AGBL5: variants seen among roughly 807,000 people sequenced by gnomAD.
AGBL5 encodes the protein cytosolic carboxypeptidase-like protein 5.
A neutral mutation model predicts 88.0 loss-of-function variants in AGBL5; 51 were observed. The ratio of observed to expected loss-of-function variants is 0.58; its 90% CI spans 0.46 to 0.73. The LOEUF is 0.73. Ranked by LOEUF, AGBL5 falls within the 30% of genes least tolerant of loss-of-function variation. AGBL5 has a pLI of 0.00. For synonymous variants in AGBL5, 446 were observed against 438.8 expected (o/e 1.02, Z -0.21); for missense variants, 1,031 against 1,162.2 (o/e 0.89, Z 1.64).
intron 11 of AGBL5, among the ~76,000 whole-genome samples, chr2:27,060,156 G>A (rs1236193905): frequency 1.3e-5 from 2 of 152,148 alleles, no homozygotes; most frequent in Admixed American, 6.5e-5. Flanking sequence ...CTCAAAAAAA[G>A]AAAAGAAAGT....
intron 11 of AGBL5, among the ~76,000 whole-genome samples, chr2:27,061,420 A>G (rs1054748080): frequency 6.6e-6 from 1 of 152,156 alleles, no homozygotes; most frequent in African/African-American, 2.4e-5. Context: ...TACTTTTAGT[A>G]GAGACGGGGT....
chr2:27,065,191 G>C (rs567293329), intron 11 of AGBL5, among the ~76,000 whole-genome samples: 1 of 152,168 alleles, frequency 6.6e-6, no homozygotes, highest in Admixed American at 6.5e-5. Context: ...TGGCATGCTG[G>C]CACCTCTGGT....
rs1668422682 is a variant in AGBL5 at position 27,056,149 on chromosome 2, T to C, written c.1365+11T>C. ...GATGAGAGCACCCAGGTGGGAATCC[T>C]AAGAATGTCATGTGAGTGTGAGAAG... On this transcript the variant is annotated intron_variant, in intron 7 of 14. Coordinates refer to ENST00000360131, the MANE Select transcript of AGBL5 (RefSeq NM_021831.6). The C allele has an allele frequency of 6.2e-7, 1 of 1,604,776 alleles. No individual in the cohort carries two copies. Among genetic ancestry groups the C allele is most frequent in the African/African-American group, 1.3e-5 (1 of 74,802 alleles).
At chr2:27,050,763 G>C (rs1014373954), upstream of AGBL5, among the ~76,000 whole-genome samples, 1 of 152,032 alleles carries the variant, frequency 6.6e-6, no homozygotes, top group Non-Finnish European at 1.5e-5. Flanking sequence ...GCTATCAGCA[G>C]CATCTTATCG....
intron 9 of AGBL5, among the ~76,000 whole-genome samples, 162 bp from the exon 10 acceptor site, chr2:27,058,238 A>G (rs1376612803): frequency 2.0e-5 from 3 of 152,202 alleles, no homozygotes; most frequent in Admixed American, 6.5e-5. Flanking sequence ...AACAGCTCCA[A>G]ATCCGTTTGC....
chr2:27,055,648 T>C (rs770304728), intron 6 of AGBL5, 34 bp from the exon 7 acceptor site: 18 of 1,592,334 alleles, frequency 1.1e-5, no homozygotes, highest in Admixed American at 3.4e-5. Flanking sequence ...GGCCCAGTCC[T>C]CTAGAACCTG....
At chr2:27,055,528 A>T in intron 6 of AGBL5, 154 bp from the exon 7 acceptor site, 1 of 847,014 alleles carries the variant, frequency 1.2e-6, no homozygotes, top group Non-Finnish European at 1.8e-6. Context: ...CAGCAGATCA[A>T]AGAGAGGCCC....
chr2:27,063,152 C>G (rs1200396136), intron 11 of AGBL5, among the ~76,000 whole-genome samples: 1 of 152,222 alleles, frequency 6.6e-6, no homozygotes, highest in Non-Finnish European at 1.5e-5. Flanking sequence ...TTTAAGGCTA[C>G]TTTTTCCACT....
upstream of AGBL5, among the ~76,000 whole-genome samples, chr2:27,051,255 A>G (rs1668115194): frequency 6.6e-6 from 1 of 152,220 alleles, no homozygotes; most frequent in Non-Finnish European, 1.5e-5. Flanking sequence ...TTAGCATGCG[A>G]GAGGTAGCGG....
chr2:27,059,289 T>A lies in AGBL5; in HGVS notation c.1974T>A (p.Ser658=). The change falls in exon 11 of 15, where the codon TCT becomes TCA. Residue 658 remains serine (S), a synonymous_variant. Transcript: ENST00000360131. ...GTAGCAGCAGCAGCCAACAAAATTC[T>A]CCACAGATGAAGAATTCCCCCAGCT... ...AGGSSSSQQN[S]PQMKNSPSFP... 1 of 1,614,210 alleles carries A rather than the reference T, an allele frequency of 6.2e-7. No individual in the cohort carries two copies. The highest frequency in any genetic ancestry group is 8.5e-7 in the Non-Finnish European group (1 of 1,180,034).
rs965756853 is a variant in AGBL5 at position 27,051,766 on chromosome 2, G to A, written c.-74G>A. ...AAGGTGCGGCCTCGCTAGCGGGAGA[G>A]GGAGCGGGATCACCGGCCCGGAGAG... On this transcript the variant is annotated 5_prime_UTR_variant, in exon 1 of 15. Transcript: ENST00000360131. 8 of 152,304 alleles carry A rather than the reference G, an allele frequency of 5.3e-5. No homozygotes were observed. The highest frequency in any genetic ancestry group is 1.0e-4 in the Non-Finnish European group (7 of 68,046). The allele number at this position is 152,304 out of a possible 1,614,324, so 9.4% of individuals were successfully genotyped here. A position where few individuals can be genotyped will look rare whatever the true frequency, so the allele number is the denominator to read the frequency against.
chr2:27,068,771 C>T, intron 13 of AGBL5, 27 bp downstream of exon 13: 2 of 1,612,430 alleles, frequency 1.2e-6, no homozygotes, highest in Non-Finnish European at 1.7e-6. Flanking sequence ...TCCAGCATAG[C>T]TACTCTGGCA....
intron 11 of AGBL5, among the ~76,000 whole-genome samples, chr2:27,065,968 T>C (rs147646373): frequency 9.2e-5 from 14 of 152,270 alleles, no homozygotes; most frequent in Non-Finnish European, 2.9e-5. Flanking sequence ...CTTCATCCTT[T>C]AGATCTTCAA....
intron 14 of AGBL5, 99 bp from the exon 15 acceptor site, chr2:27,069,993 C>T: frequency 6.5e-7 from 1 of 1,531,768 alleles, no homozygotes; most frequent in Non-Finnish European, 8.8e-7. Flanking sequence ...TACCCATCTT[C>T]ATCTCGCTCC....
At chr2:27,068,973 A>T in intron 13 of AGBL5, 1 of 1,482,156 alleles carries the variant, frequency 6.7e-7, no homozygotes, top group Non-Finnish European at 9.0e-7. Flanking sequence ...TCCCTGCCAG[A>T]TATACCCCAA....
Position 27,070,232 on chromosome 2 carries a change from C to A in AGBL5, c.2630C>A (p.Ser877Tyr), listed in dbSNP as rs1669219582. ...GQPEVCFVPK[S>Y]PPLTVSPRV ...CCTGAGGTTTGTTTTGTCCCTAAAT[C>A]TCCCCCACTGACTGTTTCTCCCCGG... is the stretch of plus-strand genomic sequence containing the variant. Residue 877 changes from serine to tyrosine, a missense_variant, in exon 15 of 15, where the codon TCT (serine) becomes TAT (tyrosine). Ser to Tyr is a moderately radical substitution (Grantham distance 144). Around this residue, in one of 2 missense-constraint regions of AGBL5, gnomAD observed 491 missense variants for 484.0 expected, o/e 1.01. Coordinates refer to ENST00000360131, the MANE Select transcript of AGBL5 (RefSeq NM_021831.6). 6.2e-7 allele frequency: 1 copy of A among 1,614,102 alleles called. No homozygotes were observed. The highest frequency in any genetic ancestry group is 1.3e-5 in the African/African-American group (1 of 74,932).
intron 11 of AGBL5, among the ~76,000 whole-genome samples, chr2:27,064,098 G>A (rs1183021991): frequency 6.6e-6 from 1 of 152,108 alleles, no homozygotes; most frequent in Non-Finnish European, 1.5e-5. Flanking sequence ...TCTGCCTACT[G>A]TGCACTGTCA....
chr2:27,051,213 C>G (rs181071032), upstream of AGBL5, among the ~76,000 whole-genome samples: 3 of 152,122 alleles, frequency 2.0e-5, no homozygotes, highest in African/African-American at 2.4e-5. Context: ...AAGCAGCAGG[C>G]GGGGGATTAG....
At chr2:27,051,011 C>T (rs1262940338), upstream of AGBL5, 2 of 152,272 alleles carry the variant, frequency 1.3e-5, no homozygotes, top group African/African-American at 4.8e-5. Context: ...AACGCTCTTT[C>T]TGCGTTCAAT....
Sources: allele counts gnomAD v4.1 joint callset (sites outside exome capture counted in the v4.1 genomes callset), GRCh38; gene constraint gnomAD v4.1.1; regional missense constraint gnomAD v4.1.1; transcripts MANE v1.5; gene names NCBI Gene and HGNC (gene_info 2026-07-23, HGNC 2026-07-21).